OR51B5: variants seen among roughly 807,000 people sequenced by gnomAD.
OR51B5 encodes the protein olfactory receptor family 51 subfamily B member 5, also known as olfactory receptor 51B5.
For synonymous variants in OR51B5, 186 were observed against 144.8 expected (o/e 1.28, Z -2.04); for missense variants, 456 against 374.6 (o/e 1.22, Z -1.79).
intron 1 of OR51B5, among the ~76,000 whole-genome samples, chr11:5,418,084 G>T (rs893311012): frequency 6.6e-6 from 1 of 150,680 alleles, no homozygotes; most frequent in Non-Finnish European, 1.5e-5. Flanking sequence ...CATAAAAAAT[G>T]ATGAGTTCAT....
chr11:5,390,139 C>T (rs377650791), intron 1 of OR51B5: 103 of 1,613,748 alleles, frequency 6.4e-5, no homozygotes, highest in Non-Finnish European at 8.2e-5. Context: ...AGGAGCAGCG[C>T]CGTGCCTTTC....
At chr11:5,351,694 A>G in intron 1 of OR51B5, 1 of 1,614,084 alleles carries the variant, frequency 6.2e-7, no homozygotes, top group Admixed American at 1.7e-5. Flanking sequence ...TTTCTTAGCT[A>G]TGTTGGCAGC....
At chr11:5,475,918 C>G (rs1851299017) in intron 1 of OR51B5, among the ~76,000 whole-genome samples, 1 of 152,188 alleles carries the variant, frequency 6.6e-6, no homozygotes, top group Non-Finnish European at 1.5e-5. Context: ...GCCATTGTAT[C>G]TAGATCCATA....
intron 1 of OR51B5, among the ~76,000 whole-genome samples, chr11:5,373,455 T>A (rs1413181128): frequency 6.6e-6 from 1 of 152,034 alleles, no homozygotes; most frequent in Non-Finnish European, 1.5e-5. Context: ...TTCATCTCGC[T>A]AGGGAGTGCC....
At chr11:5,476,644 A>G (rs1851310520) in intron 1 of OR51B5, among the ~76,000 whole-genome samples, 1 of 152,200 alleles carries the variant, frequency 6.6e-6, no homozygotes, top group East Asian at 1.9e-4. Flanking sequence ...GACTTTTCAC[A>G]GTGATGTCAC....
intron 1 of OR51B5, among the ~76,000 whole-genome samples, chr11:5,497,527 C>T (rs1456888419): frequency 6.6e-6 from 1 of 152,162 alleles, no homozygotes; most frequent in Non-Finnish European, 1.5e-5. Flanking sequence ...AGAGGGTATC[C>T]ATCAGAACAC....
chr11:5,498,495 C>T (rs889897379), intron 1 of OR51B5, among the ~76,000 whole-genome samples: 2 of 152,064 alleles, frequency 1.3e-5, no homozygotes, highest in Non-Finnish European at 2.9e-5. Flanking sequence ...TGGGCCATTA[C>T]CTACAAATTG....
At chr11:5,449,776 T>C (rs565694455) in intron 1 of OR51B5, among the ~76,000 whole-genome samples, 3 of 152,140 alleles carry the variant, frequency 2.0e-5, no homozygotes, top group Non-Finnish European at 2.9e-5. Context: ...CTGAAGCACA[T>C]GTGGTTTAAT....
chr11:5,442,282 T>TA (rs1313535498), intron 1 of OR51B5, among the ~76,000 whole-genome samples: 1 of 152,140 alleles, frequency 6.6e-6, no homozygotes, highest in Non-Finnish European at 1.5e-5. Flanking sequence ...TTTATGGGAA[T>TA]AAAAAAAGAG....
intron 1 of OR51B5, among the ~76,000 whole-genome samples, chr11:5,400,604 T>C (rs1194538704): frequency 1.3e-5 from 2 of 152,188 alleles, no homozygotes; most frequent in Admixed American, 1.3e-4. Context: ...TCTCAAAGTA[T>C]CTTGAACATT....
chr11:5,385,113 C>T (rs1005582460), intron 1 of OR51B5, among the ~76,000 whole-genome samples: 2 of 152,274 alleles, frequency 1.3e-5, no homozygotes, highest in Middle Eastern at 3.4e-3. Context: ...CAGGAATTTT[C>T]TCCTGTGATC....
At chr11:5,390,164 C>T in intron 1 of OR51B5, 1 of 1,613,882 alleles carries the variant, frequency 6.2e-7, no homozygotes, top group Non-Finnish European at 8.5e-7. Context: ...ATGCACCGCT[C>T]CTCTCTGTGC....
chr11:5,454,869 G>T (rs563462727), intron 1 of OR51B5: 1 of 154,688 alleles, frequency 6.5e-6, no homozygotes, highest in South Asian at 2.0e-4. Flanking sequence ...ATAATATGTG[G>T]TCCAGTTGAC....
At chr11:5,390,094 C>T (rs752118550) in intron 1 of OR51B5, 4 of 1,613,770 alleles carry the variant, frequency 2.5e-6, no homozygotes, top group African/African-American at 2.7e-5. Context: ...CCTATGGACT[C>T]ATCCTGCACA....
At chr11:5,500,602 C>G (rs147609727) in intron 1 of OR51B5, among the ~76,000 whole-genome samples, 1 of 147,868 alleles carries the variant, frequency 6.8e-6, no homozygotes, top group Non-Finnish European at 1.5e-5. Flanking sequence ...TAAGCCGCTT[C>G]GACGAGGACA....
At chr11:5,414,015 G>C (rs1002021114) in intron 1 of OR51B5, among the ~76,000 whole-genome samples, 1 of 148,966 alleles carries the variant, frequency 6.7e-6, no homozygotes, top group Admixed American at 6.8e-5. Flanking sequence ...AGGAAAAAAT[G>C]TTAAGGGCAG....
Position 5,406,188 on chromosome 11 carries a change from A to G in OR51B5, n.85-59278T>C, listed in dbSNP as rs72878140. On this transcript the variant is annotated intron_variant and non_coding_transcript_variant, in intron 1 of 4. Coordinates refer to the OR51B5 transcript ENST00000415970. ...CTCAGCCTTCTTAAATATTATTGCT[A>G]TATTTAGTAAATGTATGGCCATTGG... 4.4e-3 allele frequency among the ~76,000 whole-genome samples: 668 copies of G among 152,306 alleles called. 1 individual carries two copies. Among genetic ancestry groups the G allele is most frequent in the Non-Finnish European group, 7.6e-3 (515 of 68,014 alleles).
chr11:5,363,650 C>A (rs969627238), intron 1 of OR51B5, among the ~76,000 whole-genome samples: 8 of 152,094 alleles, frequency 5.3e-5, no homozygotes, highest in Admixed American at 6.6e-5. Context: ...TGTCTGGAAT[C>A]TTATGTGACA....
chr11:5,476,413 G>A (rs890297846), intron 1 of OR51B5, among the ~76,000 whole-genome samples: 12 of 152,124 alleles, frequency 7.9e-5, no homozygotes, highest in Non-Finnish European at 1.5e-4. Flanking sequence ...GCCACAAGGG[G>A]GCACTCAGAG....
Sources: allele counts gnomAD v4.1 joint callset (sites outside exome capture counted in the v4.1 genomes callset), GRCh38; gene constraint gnomAD v4.1.1; transcripts MANE v1.5; gene names NCBI Gene and HGNC (gene_info 2026-07-23, HGNC 2026-07-21).